HMCN2: variants seen among roughly 807,000 people sequenced by gnomAD.
HMCN2 encodes the protein hemicentin 2.
Under a neutral mutation model 377.5 loss-of-function variants are expected in HMCN2, and 325 were observed. The observed-to-expected ratio is 0.86, with a 90% CI of 0.79 to 0.94. The LOEUF (loss-of-function observed/expected upper bound fraction) is 0.94, where lower values mean the gene tolerates loss of function less well. Ranked by LOEUF, HMCN2 falls within the 40% of genes least tolerant of loss-of-function variation. The pLI is 0.00. For synonymous variants in HMCN2, 2,007 were observed against 2,046.8 expected (o/e 0.98, Z 0.53); for missense variants, 4,543 against 4,725.3 (o/e 0.96, Z 1.13).
rs1403138432 is a variant in HMCN2, at chr9:130,321,773, C to T, written c.2776-14C>T. On this transcript the variant is annotated splice_polypyrimidine_tract_variant and intron_variant, in intron 18 of 97. Transcript: ENST00000683500. ...AGGCCCAAGGCTAAGCTGGTGCTTC[C>T]TCACCCCCACCAGCTCCCACCTGGC... 6.6e-6 allele frequency: 1 copy of T among 152,264 alleles called. No homozygotes were observed. Among genetic ancestry groups the T allele is most frequent in the Non-Finnish European group, 1.5e-5 (1 of 68,094 alleles). 9.4% of individuals were successfully genotyped at this position (152,264 alleles called of 1,614,324 possible).
chr9:130,362,815 G>A lies in HMCN2; in HGVS notation c.6109-52G>A, dbSNP rs938142753. The A allele has an allele frequency of 6.1e-6, 6 of 985,470 alleles. No individual in the cohort carries two copies. In the African/African-American group the frequency reaches 1.0e-4, roughly 17 times the overall value. The allele number at this position is 985,470 out of a possible 1,614,324, so 61.0% of individuals were successfully genotyped here. On this transcript the variant is annotated intron_variant, in intron 39 of 97. Coordinates refer to ENST00000683500, the MANE Select transcript of HMCN2 (RefSeq NM_001291815.2). Reference sequence around the variant, plus strand: ...GGCAGGTGGGGTTCTGCCCCTTGGGGCCTGCAACAGCAGGACAGTTGCCTA... The same window carrying A: ...GGCAGGTGGGGTTCTGCCCCTTGGGACCTGCAACAGCAGGACAGTTGCCTA...
chr9:130,408,800 G>A lies in HMCN2; in HGVS notation c.12746G>A (p.Ser4249Asn), dbSNP rs776458939. The part of the protein sequence containing the change: ...FSYLVEPVGG[S>N]IQLDCVVRGD... ...TACCTGGTGGAACCTGTAGGAGGCA[G>A]CATTCAGCTAGACTGTGTGGTGCGT... is the stretch of plus-strand genomic sequence containing the variant. The change falls in exon 84 of 98, where the codon AGC becomes AAC. Residue 4249 changes from serine (S) to asparagine (N), a missense_variant. Ser to Asn is a conservative substitution (Grantham distance 46). Coordinates refer to ENST00000683500, the MANE Select transcript of HMCN2 (RefSeq NM_001291815.2). The A allele has an allele frequency of 1.9e-4, 251 of 1,289,770 alleles. 1 individual carries two copies. The Middle Eastern group carries it at 2.8e-3, about 14-fold the overall frequency. 79.9% of individuals were successfully genotyped at this position (1,289,770 alleles called of 1,614,324 possible).
At chr9:130,309,642 G>T (rs377166771) in intron 14 of HMCN2, among the ~76,000 whole-genome samples, 11 of 152,252 alleles carry the variant, frequency 7.2e-5, no homozygotes, top group South Asian at 2.1e-4. Context: ...ACACCAGCGG[G>T]GGGGGTCCAA....
At chr9:130,345,141 GTGTT>G (rs1351331566) in intron 25 of HMCN2, among the ~76,000 whole-genome samples, 3 of 132,858 alleles carry the variant, frequency 2.3e-5, no homozygotes, top group African/African-American at 5.6e-5. Flanking sequence ...TGTGTGCACA[GTGTT>G]TGGTGTGTAT....
intron 16 of HMCN2, among the ~76,000 whole-genome samples, chr9:130,320,067 C>T (rs899364551): frequency 1.4e-4 from 21 of 152,214 alleles, no homozygotes; most frequent in African/African-American, 2.4e-4. Flanking sequence ...CTTTACTACA[C>T]GCCAGGCCCA....
rs1834878722 is a variant in HMCN2, at chr9:130,278,030, TCATC to T, written c.260-6572_260-6569del. Among the ~76,000 whole-genome samples, 9 of 91,852 alleles carry T rather than the reference TCATC, an allele frequency of 9.8e-5. 1 individual carries two copies. Among genetic ancestry groups the T allele is most frequent in the Admixed American group, 1.1e-4 (1 of 8,982 alleles). 60.3% of individuals were successfully genotyped at this position (91,852 alleles called of 152,430 possible). A position where few individuals can be genotyped will look rare whatever the true frequency, so the allele number is the denominator to read the frequency against. On this transcript the variant is annotated intron_variant, in intron 1 of 97. Transcript: ENST00000683500. ...ACCATCATCATCACCACCACCACGA[TCATC>T]ACCACCACCATCATCATTACCACCA...
chr9:130,290,099 G>A (rs1381301399), intron 4 of HMCN2, among the ~76,000 whole-genome samples: 3 of 152,166 alleles, frequency 2.0e-5, no homozygotes, highest in African/African-American at 4.8e-5. Context: ...TCGCAGGCTC[G>A]CTGGTCCCCC....
In HMCN2 at chr9:130,397,610, A is replaced by G. The variant is rs1397572389; in HGVS notation, c.11281A>G (p.Asn3761Asp). ...DAGHYLCLAS[N>D]SAGSDRQGRD... ...CGGCCACTACCTCTGCCTGGCATCC[A>G]ACTCTGCTGGCTCCGATCGTCAAGG... The change falls in exon 74 of 98, where the codon AAC (asparagine) becomes GAC (aspartate). Residue 3761 changes from asparagine (N) to aspartate (D), a missense_variant. Physicochemically the swap from Asn to Asp is conservative, Grantham distance 23. Coordinates refer to ENST00000683500, the MANE Select transcript of HMCN2 (RefSeq NM_001291815.2). The G allele has an allele frequency of 2.3e-6, 3 of 1,289,810 alleles. No individual in the cohort carries two copies. The South Asian group carries it at 3.7e-5, about 16-fold the overall frequency. The allele number at this position is 1,289,810 out of a possible 1,614,324, so 79.9% of individuals were successfully genotyped here. A position where few individuals can be genotyped will look rare whatever the true frequency, so the allele number is the denominator to read the frequency against.
In HMCN2 at chr9:130,369,052, A is replaced by G. The variant is rs540990140; in HGVS notation, c.6788-518A>G. Among the ~76,000 whole-genome samples the G allele has an allele frequency of 5.9e-5, 9 of 152,270 alleles. No homozygotes were observed. Among genetic ancestry groups the G allele is most frequent in the Non-Finnish European group, 1.0e-4 (7 of 68,028 alleles). On this transcript the variant is annotated intron_variant, in intron 44 of 97. Transcript: ENST00000683500. The surrounding 1 kb of genome is among the most constrained non-coding windows in gnomAD (Gnocchi z 4.5). ...AGGGCCCCCCAGTGGTCCAGAGGAG[A>G]AAAGCCACATCTGAAACAGCTGGAA...
Position 130,369,567 on chromosome 9 carries a change from C to G in HMCN2, c.6788-3C>G. On this transcript the variant is annotated splice_polypyrimidine_tract_variant and splice_region_variant and intron_variant, in intron 44 of 97. Coordinates refer to ENST00000683500, the MANE Select transcript of HMCN2 (RefSeq NM_001291815.2). The surrounding 1 kb of genome is among the most constrained non-coding windows in gnomAD (Gnocchi z 4.5). ...CTGATGGGCTTTCTCCCCACCCCAA[C>G]AGTTCCCCCTCAGATTGCCGGTCCC... The G allele has an allele frequency of 1.0e-6, 1 of 985,838 alleles. No homozygotes were observed. The highest frequency in any genetic ancestry group is 1.2e-6 in the Non-Finnish European group (1 of 829,940). The allele number at this position is 985,838 out of a possible 1,614,324, so 61.1% of individuals were successfully genotyped here. A position where few individuals can be genotyped will look rare whatever the true frequency, so the allele number is the denominator to read the frequency against.
intron 85 of HMCN2, among the ~76,000 whole-genome samples, chr9:130,412,765 C>T (rs1311676473): frequency 2.0e-5 from 3 of 151,960 alleles, no homozygotes; most frequent in Admixed American, 1.3e-4. Flanking sequence ...TTAGTAGAGA[C>T]GAGGTTTCGT....
chr9:130,311,344 G>A (rs980145410), intron 15 of HMCN2, among the ~76,000 whole-genome samples: 90 of 152,294 alleles, frequency 5.9e-4, no homozygotes, highest in African/African-American at 2.0e-3. Context: ...GGGGGGTTGT[G>A]CTGTCTCAGG....
At chr9:130,323,873 T>C (rs1252625031) in intron 19 of HMCN2, among the ~76,000 whole-genome samples, 4 of 152,020 alleles carry the variant, frequency 2.6e-5, no homozygotes, top group Non-Finnish European at 5.9e-5. Context: ...CGGCTAATTT[T>C]TGTATTTTTA....
At chr9:130,339,377 C>T (rs1278731963) in intron 23 of HMCN2, among the ~76,000 whole-genome samples, 4 of 152,158 alleles carry the variant, frequency 2.6e-5, no homozygotes, top group Non-Finnish European at 4.4e-5. Context: ...AAATGTGCTG[C>T]CCCGGATCTA....
chr9:130,390,238 G>A lies in HMCN2; in HGVS notation c.9524-739G>A, dbSNP rs538105255. On this transcript the variant is annotated intron_variant, in intron 62 of 97. Transcript: ENST00000683500. ...GTCTCAGCGGAGATTCACCACCTCT[G>A]GAAGCCCTCCCCCACCCTTCCTGTC... 1.1e-4 allele frequency among the ~76,000 whole-genome samples: 16 copies of A among 152,246 alleles called. No individual in the cohort carries two copies. In the East Asian group the frequency reaches 3.1e-3, roughly 29 times the overall value.
At chr9:130,297,732 T>G (rs1395231317) in intron 7 of HMCN2, among the ~76,000 whole-genome samples, 1 of 152,182 alleles carries the variant, frequency 6.6e-6, no homozygotes, top group African/African-American at 2.4e-5. Context: ...AGGAGTCACA[T>G]CTTGAAAGTG....
At chr9:130,385,893 G>A (rs997384160) in intron 60 of HMCN2, 131 bp downstream of exon 60, 5 of 511,632 alleles carry the variant, frequency 9.8e-6, no homozygotes, top group African/African-American at 6.0e-5. Context: ...ACCCCAAACC[G>A]AGTGGATTAG....
Position 130,413,878 on chromosome 9 carries a change from G to A in HMCN2, c.12961+3226G>A, listed in dbSNP as rs539556917. Among the ~76,000 whole-genome samples, 4 of 152,130 alleles carry A rather than the reference G, an allele frequency of 2.6e-5. No homozygotes were observed. The East Asian group carries it at 7.7e-4, about 29-fold the overall frequency. On this transcript the variant is annotated intron_variant, in intron 85 of 97. Coordinates refer to ENST00000683500, the MANE Select transcript of HMCN2 (RefSeq NM_001291815.2). ...TAACAACCCCTAACTGGGTGTGGTG[G>A]CTCGTGTCTGTAATCCCAGCACTTT...
intron 4 of HMCN2, among the ~76,000 whole-genome samples, chr9:130,291,556 A>G (rs1835768171): frequency 6.6e-6 from 1 of 152,236 alleles, no homozygotes; most frequent in Non-Finnish European, 1.5e-5. Flanking sequence ...AAAAATTACT[A>G]TGAAGAATTT....
Sources: gnomAD v4.1 joint callset for allele counts (sites outside exome capture counted in the v4.1 genomes callset) on GRCh38, gnomAD v4.1.1 for gene constraint, Gnocchi (gnomAD v3.1) non-coding constraint, MANE v1.5 for transcripts, NCBI Gene and HGNC (gene_info 2026-07-23, HGNC 2026-07-21) for gene names.